RGS7: variants seen among roughly 807,000 people sequenced by gnomAD.
RGS7 encodes regulator of G-protein signaling 7.
Under a neutral mutation model 81.1 loss-of-function variants are expected in RGS7, and 27 were observed. That is an observed-to-expected ratio of 0.33 (90% confidence interval 0.25 to 0.46). The LOEUF is 0.46. Ranked by LOEUF, RGS7 falls within the 20% of genes least tolerant of loss-of-function variation. RGS7 has a pLI of 1.00. For missense variants in RGS7, 396 were observed against 607.4 expected (o/e 0.65, Z 3.66); for synonymous variants, 208 against 207.7 (o/e 1.00, Z -0.01).
intron 3 of RGS7, among the ~76,000 whole-genome samples, chr1:240,997,292 T>C (rs1687439651): frequency 6.6e-6 from 1 of 152,154 alleles, no homozygotes; most frequent in Admixed American, 6.5e-5. Flanking sequence ...TAAATATTTT[T>C]GAATGCATTA....
chr1:241,115,475 T>C (rs2065827944), intron 2 of RGS7, among the ~76,000 whole-genome samples: 1 of 152,232 alleles, frequency 6.6e-6, no homozygotes, highest in Non-Finnish European at 1.5e-5. Context: ...CAGTTCATTT[T>C]TTCAAAAATC....
At chr1:240,806,066 A>C in intron 15 of RGS7, 74 bp downstream of exon 15, 1 of 1,311,756 alleles carries the variant, frequency 7.6e-7, no homozygotes. Context: ...ATTTAGAATG[A>C]AAATAAAATG....
At chr1:240,883,076 A>AT (rs1372334849) in intron 6 of RGS7, among the ~76,000 whole-genome samples, 1 of 141,542 alleles carries the variant, frequency 7.1e-6, no homozygotes, top group Non-Finnish European at 1.5e-5. Context: ...TGAACTCATC[A>AT]TTTTTTATGG....
intron 2 of RGS7, among the ~76,000 whole-genome samples, chr1:241,275,419 A>T (rs1001986151): frequency 1.3e-5 from 2 of 152,326 alleles, no homozygotes; most frequent in East Asian, 3.9e-4. Flanking sequence ...CACACCCCTA[A>T]CAGGATACTT....
At chr1:241,329,985 G>C (rs994435118) in intron 2 of RGS7, among the ~76,000 whole-genome samples, 5 of 151,904 alleles carry the variant, frequency 3.3e-5, no homozygotes, top group Non-Finnish European at 7.4e-5. Context: ...CTATCGCCCA[G>C]GCTGGAGTGG....
At chr1:241,008,944 G>A in intron 3 of RGS7, among the ~76,000 whole-genome samples, 1 of 144,450 alleles carries the variant, frequency 6.9e-6, no homozygotes, top group African/African-American at 2.5e-5. Context: ...AAAGAAATGT[G>A]ATTATGACAT....
At position 241,355,792 on chromosome 1, in the gene RGS7, G is replaced by A; in HGVS notation, c.-16C>T. ...CCTGGGCCATGTCACCCAAAACTTG[G>A]TCCACTCTCAAGATACAAGAATTAT... is the stretch of plus-strand genomic sequence containing the variant. On this transcript the variant is annotated 5_prime_UTR_variant, in exon 2 of 19. Coordinates refer to ENST00000440928, the MANE Select transcript of RGS7 (RefSeq NM_001364886.1). The A allele has an allele frequency of 6.2e-7, 1 of 1,612,166 alleles. No individual in the cohort carries two copies. The highest frequency in any genetic ancestry group is 8.5e-7 in the Non-Finnish European group (1 of 1,178,306).
chr1:240,913,871 C>A (rs1672156722), intron 6 of RGS7, among the ~76,000 whole-genome samples: 1 of 151,372 alleles, frequency 6.6e-6, no homozygotes, highest in South Asian at 2.1e-4. Flanking sequence ...ATTCATTCTT[C>A]AAAATTCTTC....
intron 2 of RGS7, among the ~76,000 whole-genome samples, chr1:241,267,658 C>A (rs2077664416): frequency 6.6e-6 from 1 of 152,148 alleles, no homozygotes; most frequent in Admixed American, 6.5e-5. Flanking sequence ...CTTTTCTCTA[C>A]TCTCATCAAT....
chr1:241,194,482 G>A (rs11802564), intron 2 of RGS7, among the ~76,000 whole-genome samples: 15,207 of 152,178 alleles, frequency 0.1, 1,248 homozygotes, highest in East Asian at 0.39. Flanking sequence ...ACAAGTCGGC[G>A]ATGGAGCCTC....
At chr1:240,786,741 T>C (rs1021002673) in intron 18 of RGS7, among the ~76,000 whole-genome samples, 10 of 152,172 alleles carry the variant, frequency 6.6e-5, no homozygotes, top group Non-Finnish European at 1.3e-4. Context: ...ATGTGTCAAA[T>C]ATGGGTATCA....
chr1:241,005,515 G>C (rs922130207), intron 3 of RGS7, among the ~76,000 whole-genome samples: 4 of 151,930 alleles, frequency 2.6e-5, no homozygotes, highest in African/African-American at 9.7e-5. Flanking sequence ...CTATGCACTT[G>C]CTAGCGTCTG....
At chr1:241,337,365 T>C (rs1209672196) in intron 2 of RGS7, among the ~76,000 whole-genome samples, 1 of 152,156 alleles carries the variant, frequency 6.6e-6, no homozygotes, top group Non-Finnish European at 1.5e-5. Flanking sequence ...CAGTGTGTTC[T>C]ACCAGAGTAT....
At chr1:240,798,780 T>C (rs1036470716) in intron 18 of RGS7, among the ~76,000 whole-genome samples, 6 of 152,056 alleles carry the variant, frequency 3.9e-5, no homozygotes, top group African/African-American at 7.2e-5. Context: ...TGAATGTGAG[T>C]TTTTCCCCAT....
intron 3 of RGS7, among the ~76,000 whole-genome samples, chr1:241,056,056 T>G (rs1434918369): frequency 1.3e-5 from 2 of 152,178 alleles, no homozygotes; most frequent in Admixed American, 1.3e-4. Context: ...GCCCCTGACC[T>G]GTATGATCTG....
chr1:240,980,229 T>C (rs1449491537), intron 4 of RGS7, among the ~76,000 whole-genome samples: 2 of 152,200 alleles, frequency 1.3e-5, no homozygotes, highest in African/African-American at 4.8e-5. Context: ...ATTGATAAAA[T>C]ACTGAACACT....
chr1:240,852,238 A>T (rs560819831), intron 9 of RGS7, among the ~76,000 whole-genome samples: 6 of 152,194 alleles, frequency 3.9e-5, no homozygotes, highest in Non-Finnish European at 7.3e-5. Context: ...CTGAGGCAAG[A>T]TCTCCCACAA....
chr1:241,077,901 T>C (rs2062892874), intron 3 of RGS7, among the ~76,000 whole-genome samples: 1 of 152,046 alleles, frequency 6.6e-6, no homozygotes, highest in Admixed American at 6.6e-5. Flanking sequence ...CCAAACTAAG[T>C]GCAGAATGAA....
chr1:240,929,772 C>T (rs968606341), intron 6 of RGS7, among the ~76,000 whole-genome samples: 1 of 152,216 alleles, frequency 6.6e-6, no homozygotes, highest in Non-Finnish European at 1.5e-5. Context: ...AGATCCAGCT[C>T]AAATGGTACC....
Sources: gnomAD v4.1 joint callset for allele counts (sites outside exome capture counted in the v4.1 genomes callset) on GRCh38, gnomAD v4.1.1 for gene constraint, MANE v1.5 for transcripts, NCBI Gene and HGNC (gene_info 2026-07-23, HGNC 2026-07-21) for gene names.